MAP2: variants seen among roughly 807,000 people sequenced by gnomAD.
MAP2 encodes the protein microtubule-associated protein 2.
MAP2 carries 14 observed loss-of-function variants against 137.6 expected under a neutral mutation model. The ratio of observed to expected loss-of-function variants is 0.10; its 90% confidence interval spans 0.07 to 0.16. The LOEUF (loss-of-function observed/expected upper bound fraction) is 0.16. Ranked by LOEUF, MAP2 falls within the 10% of genes least tolerant of loss-of-function variation. The pLI is 1.00. For synonymous variants in MAP2, 786 were observed against 782.3 expected (o/e 1.00, Z -0.08); for missense variants, 2,088 against 2,191.5 (o/e 0.95, Z 0.94).
At chr2:209,587,244 A>G (rs1424866042) in intron 3 of MAP2, among the ~76,000 whole-genome samples, 4 of 150,970 alleles carry the variant, frequency 2.6e-5, no homozygotes. Context: ...CATCCATCAC[A>G]CTCCTCTGTG....
intron 2 of MAP2, among the ~76,000 whole-genome samples, chr2:209,535,890 A>G (rs1278492181): frequency 6.6e-6 from 1 of 152,148 alleles, no homozygotes; most frequent in East Asian, 1.9e-4. Flanking sequence ...TAATATAGTA[A>G]CTGAATTGGT....
At chr2:209,704,589 AC>A in intron 11 of MAP2, 1 of 1,606,340 alleles carries the variant, frequency 6.2e-7, no homozygotes, top group South Asian at 1.1e-5. Flanking sequence ...GGCTCCACAG[AC>A]CGTTTGCCAT....
At chr2:209,660,956 G>A (rs2043300967) in intron 5 of MAP2, among the ~76,000 whole-genome samples, 1 of 148,488 alleles carries the variant, frequency 6.7e-6, no homozygotes, top group Non-Finnish European at 1.5e-5. Context: ...GTGTTATCCA[G>A]GATGGTCTTC....
At chr2:209,518,530 C>T (rs756158187) in intron 2 of MAP2, among the ~76,000 whole-genome samples, 13 of 151,990 alleles carry the variant, frequency 8.6e-5, no homozygotes, top group African/African-American at 1.4e-4. Context: ...ACAGAGGGTG[C>T]GGGACAGTTT....
chr2:209,434,845 A>C lies in MAP2; in HGVS notation c.-222+10569A>C, dbSNP rs1003107521. On this transcript the variant is annotated intron_variant, in intron 1 of 15. Coordinates refer to ENST00000682079, the MANE Select transcript of MAP2 (RefSeq NM_001375505.1). ...TCTCTCTCTCTCTCTATATATATAT[A>C]TATGTTATATATATATGTTATATAT... Among the ~76,000 whole-genome samples, 48 of 100,350 alleles carry C rather than the reference A, an allele frequency of 4.8e-4. 1 individual carries two copies. The highest frequency in any genetic ancestry group is 3.3e-3 in the African/African-American group (46 of 13,790). The allele number at this position is 100,350 out of a possible 152,430, so 65.8% of individuals were successfully genotyped here.
chr2:209,598,729 A>G (rs965156469), intron 3 of MAP2, among the ~76,000 whole-genome samples: 8 of 151,248 alleles, frequency 5.3e-5, no homozygotes, highest in Non-Finnish European at 1.0e-4. Flanking sequence ...TAGTTTACTG[A>G]GAATGATGAT....
intron 2 of MAP2, among the ~76,000 whole-genome samples, chr2:209,544,025 C>G (rs778398228): frequency 6.6e-6 from 1 of 152,006 alleles, no homozygotes; most frequent in East Asian, 1.9e-4. Context: ...GTCAGGAGAT[C>G]GAGACCATCT....
rs577429615 is a variant in MAP2 at position 209,692,743 on chromosome 2, C to T, written c.573C>T (p.Asp191=). Residue 191 remains aspartate (D), a synonymous_variant, in exon 8 of 16, where the codon GAC becomes GAT. Transcript: ENST00000682079. ...ESEKQSKPGE[D]LKHAALVSQP... Reference sequence around the variant, plus strand: ...AGAAGCAAAGTAAGCCTGGTGAAGACCTTAAACATGCTGCCTTAGTTTCTC... The same window carrying T: ...AGAAGCAAAGTAAGCCTGGTGAAGATCTTAAACATGCTGCCTTAGTTTCTC... The T allele has an allele frequency of 1.2e-6, 2 of 1,614,086 alleles. No homozygotes were observed. Among genetic ancestry groups the T allele is most frequent in the Admixed American group, 3.3e-5 (2 of 60,000 alleles).
chr2:209,510,443 A>G (rs2061590433), intron 2 of MAP2, among the ~76,000 whole-genome samples: 1 of 152,198 alleles, frequency 6.6e-6, no homozygotes, highest in South Asian at 2.1e-4. Context: ...CACTGCTGAC[A>G]TTGTACTTAG....
In MAP2 at chr2:209,693,442, T is replaced by C. The variant is rs1190779604; in HGVS notation, c.1272T>C (p.Asp424=). 1.2e-6 allele frequency: 2 copies of C among 1,613,980 alleles called. No individual in the cohort carries two copies. Among genetic ancestry groups the C allele is most frequent in the Non-Finnish European group, 1.7e-6 (2 of 1,179,992 alleles). ...ATCAAGAGACTGTGCAGCAAAGGGA[T>C]ACTTTCACCCCCAGTGGACAGGAAC... The part of the protein sequence containing the change: ...AINQETVQQR[D]TFTPSGQEPI... The change falls in exon 8 of 16, where the codon GAT becomes GAC. Residue 424 remains aspartate (D), a synonymous_variant. Coordinates refer to ENST00000682079, the MANE Select transcript of MAP2 (RefSeq NM_001375505.1).
At chr2:209,553,131 C>T (rs1028250279) in intron 2 of MAP2, among the ~76,000 whole-genome samples, 3 of 151,636 alleles carry the variant, frequency 2.0e-5, no homozygotes, top group Non-Finnish European at 4.4e-5. Flanking sequence ...CCTGCCTCAG[C>T]CTCCGGAGTA....
intron 2 of MAP2, among the ~76,000 whole-genome samples, chr2:209,538,642 G>T (rs1190547166): frequency 6.6e-6 from 1 of 150,734 alleles, no homozygotes; most frequent in Non-Finnish European, 1.5e-5. Context: ...GAAGGCTAGC[G>T]CCTGGTACAC....
chr2:209,701,788 A>C (rs1444836202), intron 11 of MAP2, among the ~76,000 whole-genome samples: 2 of 152,110 alleles, frequency 1.3e-5, no homozygotes, highest in Non-Finnish European at 2.9e-5. Flanking sequence ...TATTATAAAC[A>C]CATTGTGATT....
intron 1 of MAP2, among the ~76,000 whole-genome samples, chr2:209,502,481 A>G (rs1252706111): frequency 6.6e-6 from 1 of 152,144 alleles, no homozygotes; most frequent in Non-Finnish European, 1.5e-5. Context: ...TTTTTAATCC[A>G]TTCATCTGTT....
rs1227815725 is a variant in MAP2, at chr2:209,734,087, G to A, written c.*3690G>A. 1 of 152,304 alleles carries A rather than the reference G, an allele frequency of 6.6e-6. No individual in the cohort carries two copies. Among genetic ancestry groups the A allele is most frequent in the Non-Finnish European group, 1.5e-5 (1 of 67,980 alleles). 9.4% of individuals were successfully genotyped at this position (152,304 alleles called of 1,614,324 possible). A position where few individuals can be genotyped will look rare whatever the true frequency, so the allele number is the denominator to read the frequency against. The stretch of plus-strand genomic sequence containing the variant: ...TTTGTTGCTGTATAGTGATTGTTTT[G>A]CAAAATAAAATTGCTTGTCACCTAA... On this transcript the variant is annotated 3_prime_UTR_variant, in exon 16 of 16. Coordinates refer to ENST00000682079, the MANE Select transcript of MAP2 (RefSeq NM_001375505.1).
intron 4 of MAP2, among the ~76,000 whole-genome samples, chr2:209,642,592 G>A (rs1286318384): frequency 1.3e-5 from 2 of 151,904 alleles, no homozygotes; most frequent in African/African-American, 2.4e-5. Flanking sequence ...TTGAAATTAC[G>A]TGTTATGCAC....
chr2:209,668,226 A>G (rs548644983), intron 5 of MAP2, among the ~76,000 whole-genome samples: 7 of 152,204 alleles, frequency 4.6e-5, no homozygotes, highest in African/African-American at 1.4e-4. Flanking sequence ...GATGGAATTC[A>G]TGCTTTGAAG....
intron 11 of MAP2, chr2:209,704,667 G>A (rs745585157): frequency 1.1e-5 from 17 of 1,507,374 alleles, no homozygotes; most frequent in Non-Finnish European, 1.5e-5. Context: ...TAGAATTTGG[G>A]AGAAGGTTAT....
At chr2:209,661,462 C>T (rs966263605) in intron 5 of MAP2, 3 of 968,160 alleles carry the variant, frequency 3.1e-6, no homozygotes, top group East Asian at 1.1e-4. Flanking sequence ...CCCTGAGCTC[C>T]GCAGAGAGAG....
Sources: allele counts gnomAD v4.1 joint callset (sites outside exome capture counted in the v4.1 genomes callset), GRCh38; gene constraint gnomAD v4.1.1; transcripts MANE v1.5; gene names NCBI Gene and HGNC (gene_info 2026-07-23, HGNC 2026-07-21).